The following CSMD1 variants were observed in gnomAD, a reference collection of about 807,000 sequenced individuals.
CSMD1 encodes the protein CUB and Sushi multiple domains 1.
A neutral mutation model predicts 417.5 loss-of-function variants in CSMD1; 213 were observed. That is an observed-to-expected ratio of 0.51 (90% CI 0.46 to 0.57). The LOEUF (loss-of-function observed/expected upper bound fraction) is 0.57. Among genes scored for constraint, CSMD1 ranks in the 20% least tolerant of loss-of-function variants. The pLI, the probability that CSMD1 is intolerant of heterozygous loss-of-function variation, is 0.00. For missense variants in CSMD1, 6,923 were observed against 4,529.7 expected (o/e 1.53, Z -15.17); for synonymous variants, 2,862 against 1,736.8 (o/e 1.65, Z -16.11).
chr8:4,094,273 G>T (rs576307909), intron 3 of CSMD1, among the ~76,000 whole-genome samples: 2 of 152,106 alleles, frequency 1.3e-5, no homozygotes, highest in African/African-American at 4.8e-5. Context: ...GTGATCTACT[G>T]GGGGAGGCGG....
intron 21 of CSMD1, among the ~76,000 whole-genome samples, chr8:3,356,618 T>G (rs1464769011): frequency 6.6e-6 from 1 of 152,158 alleles, no homozygotes; most frequent in Non-Finnish European, 1.5e-5. Context: ...GAGGTTGCAT[T>G]GAGCCGAGAT....
At chr8:4,635,431 T>C (rs1481229478) in intron 2 of CSMD1, among the ~76,000 whole-genome samples, 1 of 152,130 alleles carries the variant, frequency 6.6e-6, no homozygotes, top group Non-Finnish European at 1.5e-5. Flanking sequence ...TAAGAGATAA[T>C]ACATTATTGA....
At chr8:4,926,202 TAAAG>T (rs962827280) in intron 1 of CSMD1, among the ~76,000 whole-genome samples, 3 of 152,164 alleles carry the variant, frequency 2.0e-5, no homozygotes, top group African/African-American at 7.2e-5. Context: ...AATTGCAGGG[TAAAG>T]AAAGAGGCTG....
intron 1 of CSMD1, among the ~76,000 whole-genome samples, chr8:4,790,977 C>T (rs1585103376): frequency 6.6e-6 from 1 of 152,240 alleles, no homozygotes; most frequent in Middle Eastern, 3.4e-3. Flanking sequence ...TAAAAATTGA[C>T]AAGTGGGACC....
At chr8:4,355,278 T>C (rs958899651) in intron 3 of CSMD1, among the ~76,000 whole-genome samples, 1 of 150,918 alleles carries the variant, frequency 6.6e-6, no homozygotes, top group African/African-American at 2.4e-5. Flanking sequence ...AAATATACCT[T>C]TTGTGGACAC....
chr8:4,029,675 G>C (rs183542706), intron 4 of CSMD1, among the ~76,000 whole-genome samples: 1 of 152,210 alleles, frequency 6.6e-6, no homozygotes, highest in Admixed American at 6.5e-5. Flanking sequence ...CAAATCTCAT[G>C]TCCTCACATT....
intron 50 of CSMD1, among the ~76,000 whole-genome samples, chr8:3,032,272 G>C (rs964568493): frequency 2.6e-5 from 4 of 151,856 alleles, no homozygotes; most frequent in Non-Finnish European, 5.9e-5. Flanking sequence ...AAAAAACTGA[G>C]TTTGAATACT....
chr8:4,009,418 A>C (rs1262427617), intron 4 of CSMD1, among the ~76,000 whole-genome samples: 1 of 152,236 alleles, frequency 6.6e-6, no homozygotes, highest in African/African-American at 2.4e-5. Flanking sequence ...AAAAATTGAA[A>C]TAATCTAAAT....
intron 2 of CSMD1, among the ~76,000 whole-genome samples, chr8:4,439,197 C>T (rs1463102994): frequency 6.6e-6 from 1 of 152,092 alleles, no homozygotes; most frequent in Non-Finnish European, 1.5e-5. Context: ...TTATTAAACA[C>T]ATTGCAAATT....
At chr8:3,640,358 T>C (rs1221222120) in intron 7 of CSMD1, among the ~76,000 whole-genome samples, 1 of 152,346 alleles carries the variant, frequency 6.6e-6, no homozygotes, top group Non-Finnish European at 1.5e-5. Context: ...TTGTAGTTTA[T>C]TGAAGGCATT....
intron 40 of CSMD1, among the ~76,000 whole-genome samples, chr8:3,148,123 C>T (rs1818958045): frequency 6.6e-6 from 1 of 152,110 alleles, no homozygotes; most frequent in Non-Finnish European, 1.5e-5. Flanking sequence ...TCCAGAATCA[C>T]TTTATGGTTT....
At chr8:4,944,411 C>A (rs959803783) in intron 1 of CSMD1, among the ~76,000 whole-genome samples, 9 of 152,130 alleles carry the variant, frequency 5.9e-5, no homozygotes, top group African/African-American at 2.2e-4. Flanking sequence ...TGTAGGAATT[C>A]TCTTGAAATA....
intron 53 of CSMD1, 39 bp downstream of exon 53, chr8:2,999,919 G>A: frequency 1.9e-6 from 3 of 1,553,170 alleles, no homozygotes; most frequent in Non-Finnish European, 2.6e-6. Flanking sequence ...TGTGGCAAAA[G>A]GAAGCATCGA....
intron 54 of CSMD1, among the ~76,000 whole-genome samples, chr8:2,983,331 C>T (rs1011629884): frequency 6.6e-6 from 1 of 151,964 alleles, no homozygotes; most frequent in African/African-American, 2.4e-5. Flanking sequence ...GTACTACAGG[C>T]ACCCGCCACC....
At chr8:4,638,573 AG>A (rs1390246373) in intron 1 of CSMD1, among the ~76,000 whole-genome samples, 2 of 152,222 alleles carry the variant, frequency 1.3e-5, no homozygotes, top group African/African-American at 2.4e-5. Flanking sequence ...TGGAGCAGAA[AG>A]GAAGGTGTAC....
At chr8:4,821,604 C>T (rs1221604939) in intron 1 of CSMD1, among the ~76,000 whole-genome samples, 1 of 152,036 alleles carries the variant, frequency 6.6e-6, no homozygotes, top group Non-Finnish European at 1.5e-5. Context: ...TCTCATGCAG[C>T]CCTTCATATT....
chr8:3,275,997 G>C (rs888147355), intron 26 of CSMD1, among the ~76,000 whole-genome samples: 2 of 152,194 alleles, frequency 1.3e-5, no homozygotes, highest in Admixed American at 6.5e-5. Flanking sequence ...TGGAGGAGGA[G>C]AGGCACTCTG....
intron 3 of CSMD1, among the ~76,000 whole-genome samples, chr8:4,363,391 G>A (rs184420359): frequency 6.6e-6 from 1 of 152,062 alleles, no homozygotes; most frequent in African/African-American, 2.4e-5. Context: ...ATACGTAAGA[G>A]GGATAAAAAA....
intron 62 of CSMD1, 125 bp downstream of exon 62, chr8:2,961,016 C>T (rs912830999): frequency 2.4e-4 from 81 of 330,874 alleles, no homozygotes; most frequent in Admixed American, 1.8e-3. Flanking sequence ...CCCCTTTGAA[C>T]GAATTTTATT....
Sources: allele counts gnomAD v4.1 joint callset (sites outside exome capture counted in the v4.1 genomes callset), GRCh38; gene constraint gnomAD v4.1.1; transcripts MANE v1.5; gene names NCBI Gene and HGNC (gene_info 2026-07-23, HGNC 2026-07-21).